Variants in RUNX1T1 observed in about 807,000 individuals in gnomAD.
RUNX1T1 encodes the protein protein CBFA2T1.
RUNX1T1 carries 4 observed loss-of-function variants against 62.8 expected under a neutral mutation model. That is an observed-to-expected ratio of 0.06 (90% CI 0.03 to 0.15). The LOEUF is 0.15. RUNX1T1 is among the 10% of genes least tolerant of loss of function. The pLI is 1.00. For missense variants in RUNX1T1, 508 were observed against 754.3 expected (o/e 0.67, Z 3.82); for synonymous variants, 291 against 286.0 (o/e 1.02, Z -0.18).
intron 1 of RUNX1T1, among the ~76,000 whole-genome samples, chr8:92,079,488 C>T (rs1834910012): frequency 6.6e-6 from 1 of 152,184 alleles, no homozygotes; most frequent in African/African-American, 2.4e-5. Flanking sequence ...CTATGCCTCA[C>T]TTCAGGACTA....
chr8:92,009,190 T>C (rs1448397578), intron 4 of RUNX1T1, among the ~76,000 whole-genome samples: 1 of 152,220 alleles, frequency 6.6e-6, no homozygotes, highest in Non-Finnish European at 1.5e-5. Flanking sequence ...AGCAATTTTG[T>C]TTGCTCTAAT....
chr8:91,978,748 A>G (rs559807297), intron 8 of RUNX1T1, among the ~76,000 whole-genome samples: 29 of 152,158 alleles, frequency 1.9e-4, no homozygotes, highest in Non-Finnish European at 3.5e-4. Context: ...ATTGACTCAA[A>G]TATTAACGTG....
chr8:92,081,407 T>G, intron 1 of RUNX1T1: 1 of 225,434 alleles, frequency 4.4e-6, no homozygotes, highest in South Asian at 1.6e-4. Context: ...TGAAAGTAAT[T>G]ACTGCACTAT....
chr8:92,081,578 C>T (rs1022682318), intron 1 of RUNX1T1, among the ~76,000 whole-genome samples: 3 of 146,584 alleles, frequency 2.0e-5, no homozygotes, highest in African/African-American at 7.5e-5. Flanking sequence ...CTGGGAAAGA[C>T]TCTCTCTAGG....
At position 92,000,123 on chromosome 8, in the gene RUNX1T1, T is replaced by C. The variant is rs187554489; in HGVS notation, c.659+4993A>G. ...GAGTTTGAGACCGGCCTGGCCAATA[T>C]GGTGAAACCCCGTCTCTGGTAAAAA... On this transcript the variant is annotated intron_variant, in intron 5 of 10. Coordinates refer to ENST00000396218, the Ensembl canonical transcript of RUNX1T1. Among the ~76,000 whole-genome samples, 1,447 of 152,120 alleles carry C rather than the reference T, an allele frequency of 9.5e-3. 22 individuals carry two copies. Among genetic ancestry groups the C allele is most frequent in the African/African-American group, 0.033 (1,381 of 41,488 alleles).
intron 6 of RUNX1T1, among the ~76,000 whole-genome samples, chr8:91,988,846 T>C (rs1194057016): frequency 7.9e-5 from 12 of 152,160 alleles, no homozygotes; most frequent in Non-Finnish European, 1.8e-4. Context: ...TGAAAAAATG[T>C]AAGATTCATT....
intron 8 of RUNX1T1, among the ~76,000 whole-genome samples, chr8:91,981,404 C>CTTTTTTTTTTTTTT (rs67366711): frequency 1.6e-5 from 1 of 63,882 alleles, no homozygotes; most frequent in African/African-American, 6.2e-5. Flanking sequence ...AGTTACTAAG[C>CTTTTTTTTTTTTTT]TTTTTTTTTT....
intron 8 of RUNX1T1, among the ~76,000 whole-genome samples, chr8:91,981,156 C>A (rs1414160396): frequency 6.6e-6 from 1 of 152,000 alleles, no homozygotes; most frequent in African/African-American, 2.4e-5. Context: ...TATGACCTGC[C>A]AAAGGCCACA....
chr8:91,981,683 G>A (rs934302037), intron 8 of RUNX1T1, among the ~76,000 whole-genome samples: 5 of 151,784 alleles, frequency 3.3e-5, no homozygotes, highest in Admixed American at 6.6e-5. Context: ...CCCAAGTGCT[G>A]GGATTACAGG....
chr8:92,055,511 A>G (rs1830897996), intron 1 of RUNX1T1, among the ~76,000 whole-genome samples: 1 of 152,090 alleles, frequency 6.6e-6, no homozygotes, highest in South Asian at 2.1e-4. Flanking sequence ...GGGCGATCAT[A>G]GCTCACTGCA....
chr8:92,065,733 C>T (rs1412471838), upstream of RUNX1T1, among the ~76,000 whole-genome samples: 1 of 152,214 alleles, frequency 6.6e-6, no homozygotes. Flanking sequence ...AGTCTACTGA[C>T]ATGGGCTGCA....
chr8:92,024,834 T>C (rs1824838581), intron 1 of RUNX1T1, among the ~76,000 whole-genome samples: 1 of 152,210 alleles, frequency 6.6e-6, no homozygotes, highest in Non-Finnish European at 1.5e-5. Flanking sequence ...TTTCACTTTA[T>C]ACTCTTCCTT....
chr8:91,969,762 C>A (rs1812387587), intron 10 of RUNX1T1, among the ~76,000 whole-genome samples: 1 of 152,178 alleles, frequency 6.6e-6, no homozygotes, highest in South Asian at 2.1e-4. Flanking sequence ...TAAATACTTA[C>A]TCTCCCTCAC....
At chr8:92,023,489 A>G (rs945847844) in intron 1 of RUNX1T1, among the ~76,000 whole-genome samples, 25 of 152,094 alleles carry the variant, frequency 1.6e-4, no homozygotes, top group Admixed American at 6.5e-5. Flanking sequence ...CTGCATGTCC[A>G]TTTTTCTCCC....
intron 3 of RUNX1T1, among the ~76,000 whole-genome samples, 165 bp from the exon 5 acceptor site, chr8:92,011,256 A>C (rs1821866575): frequency 6.6e-6 from 1 of 152,230 alleles, no homozygotes; most frequent in Non-Finnish European, 1.5e-5. Context: ...AAAAATGATC[A>C]CACAGTTTAT....
intron 5 of RUNX1T1, among the ~76,000 whole-genome samples, chr8:92,003,745 A>G (rs971344382): frequency 4.6e-5 from 7 of 152,228 alleles, no homozygotes; most frequent in African/African-American, 1.7e-4. Flanking sequence ...CATCATGTGG[A>G]CATGCCACTC....
chr8:92,014,780 G>C (rs144377527), exon 3 of RUNX1T1: 2 of 1,613,398 alleles, frequency 1.2e-6, no homozygotes, highest in African/African-American at 2.7e-5. Flanking sequence ...GTGAGGGGGC[G>C]CCATTCAAGG....
At chr8:91,975,844 T>C in intron 9 of RUNX1T1, 61 bp downstream of exon 10, 1 of 1,097,194 alleles carries the variant, frequency 9.1e-7, no homozygotes. Context: ...CTCACATCAC[T>C]ACATTAACAA....
chr8:92,062,668 C>T, exon 1 of RUNX1T1: 1 of 1,595,502 alleles, frequency 6.3e-7, no homozygotes, highest in East Asian at 2.2e-5. Flanking sequence ...ATCAGAGGGG[C>T]TGGGGCGGCA....
Sources: allele counts gnomAD v4.1 joint callset (sites outside exome capture counted in the v4.1 genomes callset), GRCh38; gene constraint gnomAD v4.1.1; transcripts MANE v1.5; gene names NCBI Gene and HGNC (gene_info 2026-07-23, HGNC 2026-07-21).